The following GRID1 variants were observed in gnomAD, a reference collection of about 807,000 sequenced individuals.
The protein encoded by GRID1 is glutamate ionotropic receptor delta type subunit 1.
In GRID1, 28 loss-of-function variants were observed where a neutral mutation model predicts 98.0. The ratio of observed to expected loss-of-function variants is 0.29; its 90% CI spans 0.21 to 0.39. The LOEUF (loss-of-function observed/expected upper bound fraction) is 0.39. Among genes scored for constraint, GRID1 ranks in the 10% least tolerant of loss-of-function variants. The probability of loss-of-function intolerance (pLI) is 1.00; values close to 1 mark genes in which losing one functional copy is unlikely to be tolerated. For synonymous variants in GRID1, 553 were observed against 538.5 expected (o/e 1.03, Z -0.37); for missense variants, 1,111 against 1,340.5 (o/e 0.83, Z 2.67).
intron 2 of GRID1, among the ~76,000 whole-genome samples, chr10:86,265,111 C>A (rs890232156): frequency 6.6e-6 from 1 of 152,214 alleles, no homozygotes; most frequent in Non-Finnish European, 1.5e-5. Context: ...GAGCAGCTAG[C>A]CTGGCCCAGG....
chr10:85,602,067 C>G lies in GRID1; in HGVS notation c.*206G>C, dbSNP rs1009543828. ...TTCATACAGTTTTTGTGTTTTTTTACTGACTTCGAAAATTGGGAATATTCA... is the reference window on the plus strand; with the variant it reads ...TTCATACAGTTTTTGTGTTTTTTTAGTGACTTCGAAAATTGGGAATATTCA... On this transcript the variant is annotated 3_prime_UTR_variant, in exon 16 of 16. Coordinates refer to ENST00000327946, the MANE Select transcript of GRID1 (RefSeq NM_017551.3). 1 of 447,122 alleles carries G rather than the reference C, an allele frequency of 2.2e-6. No homozygotes were observed. Among genetic ancestry groups the G allele is most frequent in the African/African-American group, 2.0e-5 (1 of 50,530 alleles). 27.7% of individuals were successfully genotyped at this position (447,122 alleles called of 1,614,324 possible). A position where few individuals can be genotyped will look rare whatever the true frequency, so the allele number is the denominator to read the frequency against.
chr10:85,953,957 T>C (rs905788224), intron 4 of GRID1, among the ~76,000 whole-genome samples: 16 of 152,224 alleles, frequency 1.1e-4, no homozygotes, highest in African/African-American at 3.9e-4. Context: ...TTTGGCTGTC[T>C]TAGCAGGAAA....
intron 4 of GRID1, among the ~76,000 whole-genome samples, chr10:86,015,984 T>C (rs954202843): frequency 3.9e-5 from 6 of 151,996 alleles, no homozygotes; most frequent in African/African-American, 1.4e-4. Context: ...GTCAAGGAAA[T>C]GTGTTGAGGG....
intron 3 of GRID1, among the ~76,000 whole-genome samples, chr10:86,152,079 G>C (rs911370795): frequency 1.3e-5 from 2 of 152,256 alleles, no homozygotes; most frequent in African/African-American, 2.4e-5. Context: ...GAGTGCACGA[G>C]AAGGGGTTTG....
chr10:86,224,191 G>A (rs921117080), intron 2 of GRID1, among the ~76,000 whole-genome samples: 13 of 143,298 alleles, frequency 9.1e-5, no homozygotes, highest in Non-Finnish European at 2.0e-4. Flanking sequence ...AGCATACACA[G>A]ATGCACACAC....
intron 2 of GRID1, among the ~76,000 whole-genome samples, chr10:86,265,188 G>A (rs1371463794): frequency 1.3e-5 from 2 of 151,260 alleles, no homozygotes; most frequent in African/African-American, 4.9e-5. Flanking sequence ...CCCCACCTCA[G>A]GCATGGTTCC....
At chr10:86,338,586 C>T (rs1848263668) in intron 2 of GRID1, among the ~76,000 whole-genome samples, 1 of 152,150 alleles carries the variant, frequency 6.6e-6, no homozygotes, top group Non-Finnish European at 1.5e-5. Context: ...AGGGGGGAGT[C>T]TCGCTCTATC....
chr10:86,022,052 A>G (rs1290334350), intron 4 of GRID1, among the ~76,000 whole-genome samples: 1 of 152,220 alleles, frequency 6.6e-6, no homozygotes, highest in African/African-American at 2.4e-5. Flanking sequence ...TTAGCCCAAT[A>G]TGTCTAAAAT....
intron 8 of GRID1, among the ~76,000 whole-genome samples, chr10:85,846,958 T>C (rs991373908): frequency 1.3e-5 from 2 of 152,210 alleles, no homozygotes; most frequent in East Asian, 1.9e-4. Context: ...GCTCTGCCTA[T>C]GCAAGTACAA....
intron 4 of GRID1, among the ~76,000 whole-genome samples, chr10:85,981,292 C>A (rs544361191): frequency 1.3e-5 from 2 of 152,210 alleles, no homozygotes; most frequent in Non-Finnish European, 2.9e-5. Flanking sequence ...CAGGACAAGA[C>A]CTGTTTGGTT....
chr10:86,263,759 A>C (rs898700449), intron 2 of GRID1, among the ~76,000 whole-genome samples: 3 of 152,244 alleles, frequency 2.0e-5, no homozygotes, highest in Non-Finnish European at 4.4e-5. Flanking sequence ...GTTTTAAAAT[A>C]TTAATTTTTA....
intron 12 of GRID1, among the ~76,000 whole-genome samples, chr10:85,650,433 C>T (rs914173908): frequency 6.6e-6 from 1 of 152,114 alleles, no homozygotes; most frequent in Non-Finnish European, 1.5e-5. Context: ...CTCTATTAAC[C>T]TCACATGCAC....
chr10:86,189,780 A>C (rs557360299), intron 3 of GRID1, among the ~76,000 whole-genome samples: 1 of 152,152 alleles, frequency 6.6e-6, no homozygotes, highest in African/African-American at 2.4e-5. Context: ...ACAGAGAAAC[A>C]CAAATGTCCC....
At chr10:86,338,807 C>T (rs1848267763) in intron 2 of GRID1, among the ~76,000 whole-genome samples, 1 of 152,160 alleles carries the variant, frequency 6.6e-6, no homozygotes, top group Admixed American at 6.5e-5. Context: ...ATCCGCCTGC[C>T]TCGGCCTCCC....
intron 4 of GRID1, among the ~76,000 whole-genome samples, chr10:86,019,464 C>A (rs940640310): frequency 3.9e-5 from 6 of 152,240 alleles, no homozygotes; most frequent in Admixed American, 6.5e-5. Flanking sequence ...GGGGCATTTC[C>A]CCTTTCCTGC....
chr10:85,696,006 C>T (rs1841389074), intron 12 of GRID1, among the ~76,000 whole-genome samples: 1 of 152,078 alleles, frequency 6.6e-6, no homozygotes, highest in African/African-American at 2.4e-5. Context: ...ATCCACTGAG[C>T]TAAGCTTTAT....
At chr10:85,980,571 G>GT (rs1312085431) in intron 4 of GRID1, among the ~76,000 whole-genome samples, 1 of 152,230 alleles carries the variant, frequency 6.6e-6, no homozygotes, top group African/African-American at 2.4e-5. Flanking sequence ...ATCTCCGGAT[G>GT]TTTCCTGGCC....
At chr10:86,275,200 T>C (rs1378684696) in intron 2 of GRID1, among the ~76,000 whole-genome samples, 1 of 152,130 alleles carries the variant, frequency 6.6e-6, no homozygotes, top group African/African-American at 2.4e-5. Context: ...GAGACTTCAG[T>C]GATCACACAA....
At chr10:86,050,895 TAA>T (rs34448773) in intron 4 of GRID1, among the ~76,000 whole-genome samples, 19 of 129,156 alleles carry the variant, frequency 1.5e-4, no homozygotes, top group Admixed American at 1.6e-4. Context: ...GAAAAAAAGT[TAA>T]AAAAAAAAAA....
Sources: gnomAD v4.1 joint callset for allele counts (sites outside exome capture counted in the v4.1 genomes callset) on GRCh38, gnomAD v4.1.1 for gene constraint, MANE v1.5 for transcripts, NCBI Gene and HGNC (gene_info 2026-07-23, HGNC 2026-07-21) for gene names.